CADPS2: variants seen among roughly 807,000 people sequenced by gnomAD.
CADPS2 encodes calcium dependent secretion activator 2.
A neutral mutation model predicts 172.5 loss-of-function variants in CADPS2; 93 were observed. That is an observed-to-expected ratio of 0.54 (90% confidence interval 0.46 to 0.64). CADPS2 has a LOEUF of 0.64. Among genes scored for constraint, CADPS2 ranks in the 30% least tolerant of loss-of-function variants. CADPS2 has a pLI of 0.00. For missense variants in CADPS2, 1,420 were observed against 1,565.9 expected (o/e 0.91, Z 1.57); for synonymous variants, 546 against 555.2 (o/e 0.98, Z 0.23).
chr7:122,763,963 T>C (rs910988018), intron 1 of CADPS2, among the ~76,000 whole-genome samples: 2 of 152,124 alleles, frequency 1.3e-5, no homozygotes, highest in African/African-American at 4.8e-5. Flanking sequence ...TATCCAAAAG[T>C]GTATAAATTC....
intron 6 of CADPS2, among the ~76,000 whole-genome samples, chr7:122,605,150 T>A (rs1345165761): frequency 6.6e-6 from 1 of 152,084 alleles, no homozygotes. Flanking sequence ...GGTAAACATG[T>A]ATAGGGCACT....
intron 11 of CADPS2, among the ~76,000 whole-genome samples, chr7:122,482,924 A>G (rs1366748546): frequency 5.3e-5 from 8 of 152,200 alleles, no homozygotes; most frequent in Non-Finnish European, 1.2e-4. Context: ...GAAGCAATCT[A>G]AAGGATTCGA....
chr7:122,819,945 C>G (rs1032788895), intron 1 of CADPS2, among the ~76,000 whole-genome samples: 2 of 152,120 alleles, frequency 1.3e-5, no homozygotes, highest in East Asian at 3.9e-4. Context: ...AAGATTAAAG[C>G]CTGTTATCAC....
intron 1 of CADPS2, among the ~76,000 whole-genome samples, chr7:122,762,253 A>G: frequency 6.6e-6 from 1 of 151,986 alleles, no homozygotes; most frequent in South Asian, 2.1e-4. Context: ...TAAATCAGAG[A>G]ACAAGCTGGG....
chr7:122,850,265 GC>G (rs1813184768), intron 1 of CADPS2: 3 of 832,810 alleles, frequency 3.6e-6, no homozygotes, highest in African/African-American at 1.8e-5. Context: ...TCCACTGGGG[GC>G]CCCAGGACTC....
chr7:122,759,772 TATC>T (rs2093312392), intron 1 of CADPS2, among the ~76,000 whole-genome samples: 1 of 152,248 alleles, frequency 6.6e-6, no homozygotes, highest in South Asian at 2.1e-4. Flanking sequence ...GAAAGCAACT[TATC>T]ATCGTAATTT....
chr7:122,349,794 C>G (rs2038254488), intron 27 of CADPS2, among the ~76,000 whole-genome samples: 1 of 152,146 alleles, frequency 6.6e-6, no homozygotes, highest in African/African-American at 2.4e-5. Flanking sequence ...TGCAAACGCT[C>G]TTGCTTCCTG....
chr7:122,759,910 A>T (rs1332801189), intron 1 of CADPS2, among the ~76,000 whole-genome samples: 1 of 152,058 alleles, frequency 6.6e-6, no homozygotes, highest in Non-Finnish European at 1.5e-5. Flanking sequence ...ATAGAAGCCA[A>T]CTACACAGCT....
intron 15 of CADPS2, among the ~76,000 whole-genome samples, chr7:122,444,925 C>T (rs568165026): frequency 6.6e-6 from 1 of 152,172 alleles, no homozygotes; most frequent in South Asian, 2.1e-4. Flanking sequence ...TTTGAGTTAA[C>T]TTTTGTATTA....
At position 122,826,609 on chromosome 7, in the gene CADPS2, G is replaced by A. The variant is rs568440873; in HGVS notation, c.339+59390C>T. Reference sequence around the variant, plus strand: ...GCAAAGGAAAAGAACATCTCAGCAAGGCAACAGAATTTATGAAGAAAAAAA... The same window carrying A: ...GCAAAGGAAAAGAACATCTCAGCAAAGCAACAGAATTTATGAAGAAAAAAA... On this transcript the variant is annotated intron_variant, in intron 1 of 29. Coordinates refer to ENST00000449022, the MANE Select transcript of CADPS2 (RefSeq NM_017954.11). Among the ~76,000 whole-genome samples, 4 of 151,842 alleles carry A rather than the reference G, an allele frequency of 2.6e-5. No homozygotes were observed. The South Asian group carries it at 8.3e-4, about 32-fold the overall frequency.
intron 1 of CADPS2, among the ~76,000 whole-genome samples, chr7:122,750,578 T>C (rs1157518937): frequency 1.3e-5 from 2 of 152,112 alleles, no homozygotes; most frequent in Non-Finnish European, 2.9e-5. Flanking sequence ...CAGTGTTGTC[T>C]GAAAAAGCAG....
rs2077152906 is a variant in CADPS2 at position 122,637,170 on chromosome 7, GCTTTTTTTTTTTTT to G, written c.787-7856_787-7843del. Among the ~76,000 whole-genome samples, 3 of 57,812 alleles carry G rather than the reference GCTTTTTTTTTTTTT, an allele frequency of 5.2e-5. 1 individual carries two copies. The East Asian group carries it at 1.1e-3, about 21-fold the overall frequency. 37.9% of individuals were successfully genotyped at this position (57,812 alleles called of 152,430 possible). A position where few individuals can be genotyped will look rare whatever the true frequency, so the allele number is the denominator to read the frequency against. ...GCTTCTGACTGCATTATGAAATTTT[GCTTTTTTTTTTTTT>G]TTTTTTTTTTTTTTTTTTTTTTTTC... On this transcript the variant is annotated intron_variant, in intron 3 of 29. Transcript: ENST00000449022.
At chr7:122,397,260 A>G (rs1267315307) in intron 20 of CADPS2, among the ~76,000 whole-genome samples, 1 of 152,208 alleles carries the variant, frequency 6.6e-6, no homozygotes, top group Non-Finnish European at 1.5e-5. Flanking sequence ...TGAACTACAA[A>G]AAATCTTAAA....
chr7:122,683,007 T>C (rs772623299), intron 2 of CADPS2, among the ~76,000 whole-genome samples: 4 of 152,214 alleles, frequency 2.6e-5, no homozygotes, highest in Non-Finnish European at 5.9e-5. Flanking sequence ...GCAGGCTCTG[T>C]GTGGGCCCTG....
chr7:122,646,708 A>G (rs1304195995), intron 3 of CADPS2, among the ~76,000 whole-genome samples: 1 of 152,134 alleles, frequency 6.6e-6, no homozygotes, highest in African/African-American at 2.4e-5. Flanking sequence ...AGCTTAACCA[A>G]GGAGTATAAA....
intron 6 of CADPS2, among the ~76,000 whole-genome samples, chr7:122,587,955 T>A (rs1185897585): frequency 6.6e-6 from 1 of 152,174 alleles, no homozygotes; most frequent in East Asian, 1.9e-4. Flanking sequence ...TGTATTTCTC[T>A]AATGATCAGT....
At chr7:122,549,247 C>CA (rs895169915) in intron 8 of CADPS2, among the ~76,000 whole-genome samples, 14 of 151,858 alleles carry the variant, frequency 9.2e-5, no homozygotes, top group Non-Finnish European at 1.5e-4. Context: ...GTCTCTAATA[C>CA]AAAAAAATTG....
intron 2 of CADPS2, among the ~76,000 whole-genome samples, chr7:122,700,871 G>T (rs996958339): frequency 6.6e-6 from 1 of 151,942 alleles, no homozygotes; most frequent in African/African-American, 2.4e-5. Context: ...CCTAAATGAA[G>T]CCTATAATAA....
In CADPS2 at chr7:122,561,982, C is replaced by T. The variant is rs114247787; in HGVS notation, c.1336-7293G>A. Among the ~76,000 whole-genome samples the T allele has an allele frequency of 5.2e-3, 786 of 152,246 alleles. 9 individuals are homozygous for T. Among genetic ancestry groups the T allele is most frequent in the African/African-American group, 0.018 (758 of 41,566 alleles). On this transcript the variant is annotated intron_variant, in intron 7 of 29. Coordinates refer to ENST00000449022, the MANE Select transcript of CADPS2 (RefSeq NM_017954.11). ...TAAAAATGTAAACCTAAAATTAATA[C>T]TTCACTGTGGTGAAAAGAGAAAAAG... is the stretch of plus-strand genomic sequence containing the variant.
Sources: allele counts gnomAD v4.1 joint callset (sites outside exome capture counted in the v4.1 genomes callset), GRCh38; gene constraint gnomAD v4.1.1; transcripts MANE v1.5; gene names NCBI Gene and HGNC (gene_info 2026-07-23, HGNC 2026-07-21).